The following CRACD variants were observed in gnomAD, a reference collection of about 807,000 sequenced individuals.
CRACD encodes the protein capping protein-inhibiting regulator of actin dynamics.
A neutral mutation model predicts 106.8 loss-of-function variants in CRACD; 56 were observed. That is an observed-to-expected ratio of 0.52 (90% confidence interval 0.42 to 0.66). The LOEUF is 0.66. CRACD is among the 30% of genes least tolerant of loss of function. The pLI, the probability that CRACD is intolerant of heterozygous loss-of-function variation, is 0.00. For missense variants in CRACD, 1,730 were observed against 1,623.2 expected, an observed-to-expected ratio of 1.07 and a Z score of -1.13; for synonymous variants, 754 against 670.8, an observed-to-expected ratio of 1.12 and a Z score of -1.92.
chr4:56,082,446 A>G (rs1733066406), intron 1 of CRACD, among the ~76,000 whole-genome samples: 1 of 152,218 alleles, frequency 6.6e-6, no homozygotes, highest in Non-Finnish European at 1.5e-5. Context: ...CCACTGTGGA[A>G]GGAAGGCAAG....
chr4:56,323,958 C>T (rs1414400923), intron 9 of CRACD, 146 bp from the exon 10 acceptor site: 7 of 824,564 alleles, frequency 8.5e-6, no homozygotes, highest in Admixed American at 3.0e-5. Context: ...CGTGGTTGAG[C>T]GTACATGGCT....
intron 2 of CRACD, among the ~76,000 whole-genome samples, chr4:56,261,879 A>C (rs1237269018): frequency 6.6e-6 from 1 of 152,204 alleles, no homozygotes; most frequent in African/African-American, 2.4e-5. Flanking sequence ...GATTCTATTT[A>C]GGTGCATATA....
chr4:56,231,698 C>T (rs1001149661), intron 2 of CRACD, among the ~76,000 whole-genome samples: 1 of 152,166 alleles, frequency 6.6e-6, no homozygotes, highest in Non-Finnish European at 1.5e-5. Flanking sequence ...CTACGTGCTT[C>T]CATTTACATA....
intron 1 of CRACD, among the ~76,000 whole-genome samples, chr4:56,085,914 T>C (rs898560303): frequency 1.8e-4 from 27 of 152,218 alleles, no homozygotes; most frequent in African/African-American, 6.3e-4. Context: ...ATTATGTATT[T>C]ATTCATGGTA....
At chr4:56,179,112 C>T (rs1366224365) in intron 1 of CRACD, among the ~76,000 whole-genome samples, 172 bp from the exon 2 acceptor site, 1 of 152,116 alleles carries the variant, frequency 6.6e-6, no homozygotes, top group Non-Finnish European at 1.5e-5. Context: ...TAAATTTTGG[C>T]TAAACAGTGC....
At chr4:56,179,822 A>G (rs1262218205) in intron 2 of CRACD, among the ~76,000 whole-genome samples, 1 of 152,060 alleles carries the variant, frequency 6.6e-6, no homozygotes, top group Non-Finnish European at 1.5e-5. Flanking sequence ...GTTCGAGACC[A>G]GGCTGGCTGA....
intron 1 of CRACD, among the ~76,000 whole-genome samples, chr4:56,178,926 C>T (rs964295441): frequency 2.0e-5 from 3 of 152,214 alleles, no homozygotes; most frequent in Non-Finnish European, 4.4e-5. Flanking sequence ...ACTGCCTTCA[C>T]GTCTGCTAAA....
In CRACD at chr4:56,122,649, T is replaced by C. The variant is rs141895541; in HGVS notation, c.-335-56635T>C. Among the ~76,000 whole-genome samples, 1,287 of 152,344 alleles carry C rather than the reference T, an allele frequency of 8.4e-3. 15 individuals are homozygous for C. Among genetic ancestry groups the C allele is most frequent in the African/African-American group, 0.03 (1,233 of 41,580 alleles). On this transcript the variant is annotated intron_variant, in intron 1 of 10. Transcript: ENST00000682029. ...CCCCCAACATCTACCACTGTCTTCA[T>C]TTCCAGTCCTCAATAACATCAGCAA... is the stretch of plus-strand genomic sequence containing the variant.
At chr4:56,209,024 T>C (rs1056645187) in intron 2 of CRACD, among the ~76,000 whole-genome samples, 1 of 152,162 alleles carries the variant, frequency 6.6e-6, no homozygotes, top group African/African-American at 2.4e-5. Context: ...TAAACAAAAA[T>C]ATCTTGCTAT....
rs1460122685 is a variant in CRACD at position 56,314,482 on chromosome 4, C to A, written c.980C>A (p.Ala327Asp). 3.9e-6 allele frequency: 6 copies of A among 1,526,880 alleles called. No individual in the cohort carries two copies. In the South Asian group the frequency reaches 7.4e-5, roughly 19 times the overall value. The allele number at this position is 1,526,880 out of a possible 1,614,324, so 94.6% of individuals were successfully genotyped here. Residue 327 changes from alanine to aspartate, a missense_variant, in exon 8 of 11, where the codon GCC becomes GAC. Physicochemically the swap from Ala to Asp is moderately radical, Grantham distance 126 (BLOSUM62 -2). Transcript: ENST00000682029. This position sits in a 1 kb window ranked among gnomAD's most constrained non-coding sequence, Gnocchi z 4.4. ...GAGCGAAGGCGTCTGCAGGCCCAGGCCCAAGCGGAGGAGAGGCGGCGGCTG... is the reference window on the plus strand; with the variant it reads ...GAGCGAAGGCGTCTGCAGGCCCAGGACCAAGCGGAGGAGAGGCGGCGGCTG... ...EEERRRLQAQ[A>D]QAEERRRLEE...
chr4:56,308,788 T>C, intron 5 of CRACD: 1 of 1,246,864 alleles, frequency 8.0e-7, no homozygotes, highest in Non-Finnish European at 1.0e-6. Context: ...CTTCCCAACC[T>C]CTCCAGTGCT....
At chr4:56,170,398 G>C (rs981720262) in intron 1 of CRACD, 1 of 152,238 alleles carries the variant, frequency 6.6e-6, no homozygotes, top group Non-Finnish European at 1.5e-5. Context: ...GCTGCTCATT[G>C]AAAATAGGGA....
chr4:56,175,672 T>C (rs1453852851), intron 1 of CRACD, among the ~76,000 whole-genome samples: 1 of 152,222 alleles, frequency 6.6e-6, no homozygotes, highest in East Asian at 1.9e-4. Flanking sequence ...GAGTTCTTTA[T>C]ATATTCTGGT....
chr4:56,053,480 A>G (rs1001888813), intron 1 of CRACD, among the ~76,000 whole-genome samples: 5 of 152,188 alleles, frequency 3.3e-5, no homozygotes, highest in African/African-American at 1.2e-4. Context: ...TAGAATACAC[A>G]AATAGATGCT....
intron 2 of CRACD, among the ~76,000 whole-genome samples, chr4:56,235,898 T>G (rs1394801675): frequency 6.6e-6 from 1 of 152,184 alleles, no homozygotes; most frequent in Non-Finnish European, 1.5e-5. Flanking sequence ...GCCAGAGTTT[T>G]AAGACAAGAA....
chr4:56,153,054 G>GGATC (rs1386252030), intron 1 of CRACD, among the ~76,000 whole-genome samples: 1 of 152,114 alleles, frequency 6.6e-6, no homozygotes, highest in African/African-American at 2.4e-5. Flanking sequence ...TGAGGTGGGC[G>GGATC]GATCACCTAA....
At chr4:56,188,588 A>G (rs1402935925) in intron 2 of CRACD, among the ~76,000 whole-genome samples, 3 of 150,046 alleles carry the variant, frequency 2.0e-5, no homozygotes, top group Admixed American at 2.0e-4. Context: ...TTTTCCCTCC[A>G]GACTCCTACA....
At chr4:56,071,078 G>A (rs1484495239) in intron 1 of CRACD, among the ~76,000 whole-genome samples, 2 of 152,180 alleles carry the variant, frequency 1.3e-5, no homozygotes, top group East Asian at 3.9e-4. Flanking sequence ...TTAAAAAGTT[G>A]GATCCTCCTC....
At chr4:56,161,657 A>G (rs1036021536) in intron 1 of CRACD, among the ~76,000 whole-genome samples, 4 of 151,854 alleles carry the variant, frequency 2.6e-5, no homozygotes, top group Admixed American at 2.0e-4. Context: ...ATAGAGTTTC[A>G]CCATGTTGGC....
Sources: allele counts gnomAD v4.1 joint callset (sites outside exome capture counted in the v4.1 genomes callset), GRCh38; gene constraint gnomAD v4.1.1; non-coding constraint Gnocchi (gnomAD v3.1); transcripts MANE v1.5; gene names NCBI Gene and HGNC (gene_info 2026-07-23, HGNC 2026-07-21).